CAMK1D: variants seen among roughly 807,000 people sequenced by gnomAD.
The protein encoded by CAMK1D is calcium/calmodulin dependent protein kinase ID, also known as calcium/calmodulin-dependent protein kinase type 1D.
A neutral mutation model predicts 47.7 loss-of-function variants in CAMK1D; 9 were observed. The observed-to-expected ratio is 0.19, with a 90% CI of 0.11 to 0.33. The LOEUF (loss-of-function observed/expected upper bound fraction) is 0.33. CAMK1D is among the 10% of genes least tolerant of loss of function. The pLI is 1.00. For missense variants in CAMK1D, 291 were observed against 488.7 expected, an observed-to-expected ratio of 0.60 and a Z score of 3.81; for synonymous variants, 184 against 184.9, an observed-to-expected ratio of 0.99 and a Z score of 0.04.
chr10:12,704,042 T>C (rs1319931800), intron 3 of CAMK1D, among the ~76,000 whole-genome samples: 1 of 152,104 alleles, frequency 6.6e-6, no homozygotes, highest in Non-Finnish European at 1.5e-5. Flanking sequence ...TGGGAATAAT[T>C]TCCCAGCTGT....
chr10:12,378,718 T>C (rs910694440), intron 1 of CAMK1D, among the ~76,000 whole-genome samples: 1 of 152,050 alleles, frequency 6.6e-6, no homozygotes, highest in African/African-American at 2.4e-5. Context: ...TTAAGAAAGT[T>C]TATTGAGCAC....
Position 12,816,301 on chromosome 10 carries a change from C to A in CAMK1D, c.806C>A (p.Thr269Lys). ...GAGAAGGACCCGAATAAAAGATACA[C>A]GTGTGAGCAGGCAGCTCGGCACCCA... Reference protein sequence around the residue: ...LMEKDPNKRYTCEQAARHPWI... With the variant: ...LMEKDPNKRYKCEQAARHPWI... The change falls in exon 8 of 11, where the codon ACG (threonine) becomes AAG (lysine). Residue 269 changes from threonine (T) to lysine (K), a missense_variant. Physicochemically the swap from Thr to Lys is moderately conservative, Grantham distance 78. Around this residue, in one of 2 missense-constraint regions of CAMK1D, gnomAD observed 219 missense variants for 424.3 expected, o/e 0.52. Transcript: ENST00000619168. The A allele has an allele frequency of 6.2e-7, 1 of 1,613,698 alleles. No homozygotes were observed. Among genetic ancestry groups the A allele is most frequent in the Non-Finnish European group, 8.5e-7 (1 of 1,179,788 alleles).
chr10:12,446,268 C>T (rs59864866), intron 1 of CAMK1D, among the ~76,000 whole-genome samples: 215 of 152,288 alleles, frequency 1.4e-3, no homozygotes, highest in African/African-American at 4.9e-3. Context: ...CTGCTGGTTT[C>T]CCACTTTTAT....
intron 1 of CAMK1D, among the ~76,000 whole-genome samples, chr10:12,488,495 C>A (rs1292178864): frequency 6.6e-6 from 1 of 152,134 alleles, no homozygotes; most frequent in Non-Finnish European, 1.5e-5. Context: ...GGACTGGTTT[C>A]ATGGAAGACA....
intron 2 of CAMK1D, among the ~76,000 whole-genome samples, chr10:12,584,317 C>T (rs550238189): frequency 5.9e-5 from 9 of 152,280 alleles, no homozygotes; most frequent in South Asian, 4.1e-4. Context: ...TTGAGGTCAT[C>T]GTCTAAGACG....
At chr10:12,750,697 A>AATG (rs1366328524) in intron 3 of CAMK1D, among the ~76,000 whole-genome samples, 1 of 152,012 alleles carries the variant, frequency 6.6e-6, no homozygotes, top group Non-Finnish European at 1.5e-5. Context: ...ATGAATGATG[A>AATG]ATGAATGAAT....
At chr10:12,653,524 G>T (rs1352459388) in intron 2 of CAMK1D, among the ~76,000 whole-genome samples, 1 of 152,208 alleles carries the variant, frequency 6.6e-6, no homozygotes, top group Non-Finnish European at 1.5e-5. Flanking sequence ...AAGCCTGAGT[G>T]TGACCTGAGC....
intron 3 of CAMK1D, among the ~76,000 whole-genome samples, chr10:12,747,106 G>A (rs1388890532): frequency 6.6e-6 from 1 of 151,862 alleles, no homozygotes; most frequent in Non-Finnish European, 1.5e-5. Flanking sequence ...ATCTCGGCTC[G>A]CTGCAGCCTC....
intron 1 of CAMK1D, among the ~76,000 whole-genome samples, chr10:12,372,676 C>T (rs561766357): frequency 1.6e-4 from 25 of 152,268 alleles, no homozygotes; most frequent in African/African-American, 4.8e-4. Context: ...TGGATCATGG[C>T]TCACTGCAGC....
chr10:12,494,419 TAC>T (rs1045603607), intron 1 of CAMK1D, among the ~76,000 whole-genome samples: 3 of 151,852 alleles, frequency 2.0e-5, no homozygotes, highest in Non-Finnish European at 4.4e-5. Flanking sequence ...CACACACACG[TAC>T]ACACACACAC....
intron 3 of CAMK1D, among the ~76,000 whole-genome samples, chr10:12,699,016 G>T (rs965722568): frequency 3.9e-5 from 6 of 151,908 alleles, no homozygotes; most frequent in Non-Finnish European, 8.8e-5. Flanking sequence ...GAAATCAGAA[G>T]GAGCCAAATC....
chr10:12,495,163 A>G (rs1834498829), intron 1 of CAMK1D, among the ~76,000 whole-genome samples: 3 of 152,228 alleles, frequency 2.0e-5, no homozygotes, highest in Non-Finnish European at 4.4e-5. Flanking sequence ...TTCTGAAGCA[A>G]GCACATCTTG....
chr10:12,368,027 C>T lies in CAMK1D; in HGVS notation c.92+18117C>T, dbSNP rs1272929764. Among the ~76,000 whole-genome samples the T allele has an allele frequency of 4.6e-5, 7 of 152,144 alleles. No homozygotes were observed. The East Asian group carries it at 1.4e-3, about 29-fold the overall frequency. On this transcript the variant is annotated intron_variant, in intron 1 of 10. Coordinates refer to ENST00000619168, the MANE Select transcript of CAMK1D (RefSeq NM_153498.4). ...CTAACACAGTGAAACCCTGTCTCTA[C>T]TAAAAATACAAAAAATTAGCCGGGC...
intron 3 of CAMK1D, among the ~76,000 whole-genome samples, chr10:12,697,561 G>A (rs906688660): frequency 6.6e-6 from 1 of 152,118 alleles, no homozygotes; most frequent in Admixed American, 6.5e-5. Flanking sequence ...GTCATGCCTG[G>A]CTAATTTTTG....
At chr10:12,721,299 A>C (rs1345072361) in intron 3 of CAMK1D, among the ~76,000 whole-genome samples, 1 of 152,226 alleles carries the variant, frequency 6.6e-6, no homozygotes, top group Non-Finnish European at 1.5e-5. Context: ...AGGGCTAGCA[A>C]TTTCTTCACT....
At chr10:12,741,368 C>T (rs1018356884) in intron 3 of CAMK1D, among the ~76,000 whole-genome samples, 3 of 152,200 alleles carry the variant, frequency 2.0e-5, no homozygotes, top group Admixed American at 1.3e-4. Context: ...AAATGCATCT[C>T]GCAGTCCTTA....
At position 12,522,201 on chromosome 10, in the gene CAMK1D, C is replaced by CTT. The variant is rs746434997; in HGVS notation, c.93-31010_93-31009dup. 7.7e-5 allele frequency among the ~76,000 whole-genome samples: 3 copies of CTT among 38,848 alleles called. 1 individual carries two copies. Among genetic ancestry groups the CTT allele is most frequent in the Non-Finnish European group, 1.8e-4 (3 of 17,076 alleles). 25.5% of individuals were successfully genotyped at this position (38,848 alleles called of 152,430 possible). ...TATATGATATATTTCCTTTTTTTTT[C>CTT]TTTTTTTTTTTTTTTATTGATCATT... is the stretch of plus-strand genomic sequence containing the variant. On this transcript the variant is annotated intron_variant, in intron 1 of 10. Coordinates refer to ENST00000619168, the MANE Select transcript of CAMK1D (RefSeq NM_153498.4).
At chr10:12,572,791 G>A (rs1316905794) in intron 2 of CAMK1D, among the ~76,000 whole-genome samples, 1 of 152,060 alleles carries the variant, frequency 6.6e-6, no homozygotes, top group Non-Finnish European at 1.5e-5. Context: ...CACCATGCAC[G>A]ACTAATTTTA....
At chr10:12,581,801 T>G (rs1033054496) in intron 2 of CAMK1D, among the ~76,000 whole-genome samples, 3 of 152,340 alleles carry the variant, frequency 2.0e-5, no homozygotes, top group South Asian at 2.1e-4. Flanking sequence ...CTTTGTAAGA[T>G]GTATAGATGG....
Sources: gnomAD v4.1 joint callset for allele counts (sites outside exome capture counted in the v4.1 genomes callset) on GRCh38, gnomAD v4.1.1 for gene constraint, gnomAD v4.1.1 regional missense constraint, MANE v1.5 for transcripts, NCBI Gene and HGNC (gene_info 2026-07-23, HGNC 2026-07-21) for gene names.